Variants in OPHN1 observed in about 807,000 individuals in gnomAD.
The protein encoded by OPHN1 is oligophrenin 1, also known as oligophrenin-1.
Under a neutral mutation model 60.7 loss-of-function variants are expected in OPHN1, and 11 were observed. The observed-to-expected ratio is 0.18, with a 90% CI of 0.11 to 0.30. The LOEUF (loss-of-function observed/expected upper bound fraction) is 0.30, where lower values mean the gene tolerates loss of function less well. OPHN1 is among the 10% of genes least tolerant of loss of function. The pLI, the probability that OPHN1 is intolerant of heterozygous loss-of-function variation, is 1.00. For synonymous variants in OPHN1, 226 were observed against 222.6 expected, an observed-to-expected ratio of 1.02 and a Z score of -0.14; for missense variants, 449 against 611.0, an observed-to-expected ratio of 0.73 and a Z score of 2.80.
At chrX:68,227,524 C>CA (rs1377587440) in intron 6 of OPHN1, among the ~76,000 whole-genome samples, 1 of 111,218 alleles carries the variant, frequency 9.0e-6, no homozygotes, top group Non-Finnish European at 1.9e-5. Context: ...GTCCTCAGCA[C>CA]ATGTAAAAGA....
At chrX:68,399,126 C>T (rs983471797) in intron 2 of OPHN1, among the ~76,000 whole-genome samples, 7 of 110,731 alleles carry the variant, frequency 6.3e-5, no homozygotes, top group Non-Finnish European at 9.4e-5. Flanking sequence ...CCCAACCTTC[C>T]ATATCCAATT....
intron 20 of OPHN1, 59 bp downstream of exon 20, chrX:68,073,093 C>T (rs761906337): frequency 7.0e-6 from 8 of 1,147,710 alleles, no homozygotes; most frequent in South Asian, 1.9e-5. Context: ...TTCTGCCCTT[C>T]GATATCCTCT....
At chrX:68,255,455 T>C (rs1569259331) in intron 5 of OPHN1, among the ~76,000 whole-genome samples, 1 of 112,592 alleles carries the variant, frequency 8.9e-6, no homozygotes, top group African/African-American at 3.2e-5. Flanking sequence ...CTAGTCTAGA[T>C]ATTTACTTAG....
At chrX:68,387,806 C>T (rs2078632278) in intron 2 of OPHN1, among the ~76,000 whole-genome samples, 1 of 111,429 alleles carries the variant, frequency 9.0e-6, no homozygotes, top group African/African-American at 3.3e-5. Context: ...AATTACAATA[C>T]AATATACTGA....
At chrX:68,321,117 C>T (rs1464656821) in intron 2 of OPHN1, among the ~76,000 whole-genome samples, 1 of 111,106 alleles carries the variant, frequency 9.0e-6, no homozygotes, top group Non-Finnish European at 1.9e-5. Flanking sequence ...TTATTGGTGA[C>T]CAACTTAACC....
At position 68,229,503 on chromosome X, in the gene OPHN1, T is replaced by C. The variant is rs761708291; in HGVS notation, c.486+4984A>G. On this transcript the variant is annotated intron_variant, in intron 6 of 24. Transcript: ENST00000355520. The stretch of plus-strand genomic sequence containing the variant: ...AAGCTGGAGGCATCATGCTACCTGA[T>C]TTCAAACTATACTACAAGGCTACAG... 1.1e-4 allele frequency among the ~76,000 whole-genome samples: 12 copies of C among 111,386 alleles called. 1 individual carries two copies. In the South Asian group the frequency reaches 4.2e-3, roughly 39 times the overall value.
chrX:68,148,044 T>C (rs991264876), intron 15 of OPHN1, among the ~76,000 whole-genome samples: 19 of 111,192 alleles, frequency 1.7e-4, no homozygotes, highest in Admixed American at 8.7e-4. Context: ...CTATGGACTG[T>C]GGCTTGAATG....
chrX:68,055,848 C>T (rs1449510020), intron 21 of OPHN1, among the ~76,000 whole-genome samples: 1 of 111,457 alleles, frequency 9.0e-6, no homozygotes, highest in Admixed American at 9.6e-5. Flanking sequence ...CAAACTATCT[C>T]AAGGACAGAA....
At chrX:68,363,163 G>A (rs765304401) in intron 2 of OPHN1, among the ~76,000 whole-genome samples, 178 of 109,975 alleles carry the variant, frequency 1.6e-3, no homozygotes, top group African/African-American at 5.5e-3. Context: ...CATGAGGATC[G>A]CTTGAACTGA....
intron 20 of OPHN1, among the ~76,000 whole-genome samples, chrX:68,066,689 A>G (rs1008497975): frequency 5.4e-5 from 6 of 111,844 alleles, no homozygotes; most frequent in African/African-American, 9.8e-5. Context: ...TGTAATCCTC[A>G]AAACAGCTCT....
intron 18 of OPHN1, among the ~76,000 whole-genome samples, chrX:68,097,287 G>C (rs1430788301): frequency 9.0e-6 from 1 of 111,536 alleles, no homozygotes; most frequent in Non-Finnish European, 1.9e-5. Context: ...AGACAGGGAT[G>C]TGGGGAGGGA....
chrX:68,074,094 T>C (rs1398114374), intron 19 of OPHN1, among the ~76,000 whole-genome samples: 2 of 111,802 alleles, frequency 1.8e-5, no homozygotes, highest in Non-Finnish European at 3.8e-5. Flanking sequence ...GCATACACTA[T>C]GGGATGATAC....
At chrX:68,261,775 T>G (rs1482103041) in intron 5 of OPHN1, among the ~76,000 whole-genome samples, 6 of 111,982 alleles carry the variant, frequency 5.4e-5, no homozygotes, top group Admixed American at 3.8e-4. Flanking sequence ...ATATAAGATA[T>G]GTCAAAATTC....
chrX:68,163,954 T>C (rs1182232360), intron 15 of OPHN1, among the ~76,000 whole-genome samples: 2 of 111,699 alleles, frequency 1.8e-5, no homozygotes, highest in African/African-American at 6.5e-5. Context: ...ATCATAAAGA[T>C]CATAATGGTG....
intron 2 of OPHN1, among the ~76,000 whole-genome samples, chrX:68,394,289 CT>C (rs2078672185): frequency 9.0e-6 from 1 of 111,475 alleles, no homozygotes; most frequent in Non-Finnish European, 1.9e-5. Context: ...TCTAGACTTT[CT>C]GGTCTGTTCT....
In OPHN1 at chrX:68,076,735, C is replaced by A. The variant is rs764357072; in HGVS notation, c.1687-3436G>T. On this transcript the variant is annotated intron_variant, in intron 19 of 24. Transcript: ENST00000355520. The stretch of plus-strand genomic sequence containing the variant: ...ACTGTACACAAATGTTTGCAGCAGA[C>A]CCAAACTGAAACAACCCAAATGTCC... Among the ~76,000 whole-genome samples the A allele has an allele frequency of 1.3e-4, 15 of 111,765 alleles. 1 individual carries two copies. In the Middle Eastern group the frequency reaches 0.014, roughly 103 times the overall value.
intron 3 of OPHN1, among the ~76,000 whole-genome samples, chrX:68,286,188 G>A (rs1197301793): frequency 9.0e-6 from 1 of 111,552 alleles, no homozygotes; most frequent in Non-Finnish European, 1.9e-5. Flanking sequence ...TGTTGTTCTT[G>A]TGGTTGCTTG....
chrX:68,161,402 T>C (rs183200316), intron 15 of OPHN1, among the ~76,000 whole-genome samples: 1 of 110,767 alleles, frequency 9.0e-6, no homozygotes, highest in African/African-American at 3.3e-5. Context: ...GAGCAGGTCA[T>C]TCAAAATGGA....
chrX:68,151,423 ATCC>A (rs753280155), intron 15 of OPHN1, among the ~76,000 whole-genome samples: 4 of 112,059 alleles, frequency 3.6e-5, no homozygotes, highest in African/African-American at 1.3e-4. Context: ...ATCGAGACCC[ATCC>A]TCCAACAAAC....
Sources: gnomAD v4.1 joint callset for allele counts (sites outside exome capture counted in the v4.1 genomes callset) on GRCh38, gnomAD v4.1.1 for gene constraint, MANE v1.5 for transcripts, NCBI Gene and HGNC (gene_info 2026-07-23, HGNC 2026-07-21) for gene names.